The following ITPKC variants were observed in gnomAD, a reference collection of about 807,000 sequenced individuals.
ITPKC encodes the protein inositol-trisphosphate 3-kinase C, also known as IP3 3-kinase C.
Under a neutral mutation model 67.1 loss-of-function variants are expected in ITPKC, and 33 were observed. The ratio of observed to expected loss-of-function variants is 0.49; its 90% CI spans 0.37 to 0.66. The LOEUF (loss-of-function observed/expected upper bound fraction) is 0.66. Ranked by LOEUF, ITPKC falls within the 30% of genes least tolerant of loss-of-function variation. The pLI is 0.00. For missense variants in ITPKC, 820 were observed against 892.1 expected (o/e 0.92, Z 1.03); for synonymous variants, 341 against 359.8 (o/e 0.95, Z 0.59).
chr19:40,731,203 A>G (rs946522456), intron 3 of ITPKC, among the ~76,000 whole-genome samples: 7 of 152,164 alleles, frequency 4.6e-5, no homozygotes, highest in African/African-American at 1.2e-4. Flanking sequence ...ACGGGGCCCC[A>G]CCGTAGGAGG....
chr19:40,722,347 G>A (rs1481435762), intron 1 of ITPKC, among the ~76,000 whole-genome samples: 2 of 152,042 alleles, frequency 1.3e-5, no homozygotes, highest in Non-Finnish European at 2.9e-5. Context: ...GTGGCACACT[G>A]AGTCTTTGTC....
intron 1 of ITPKC, among the ~76,000 whole-genome samples, chr19:40,719,554 A>G (rs2082211691): frequency 1.3e-5 from 2 of 150,814 alleles, no homozygotes; most frequent in South Asian, 2.1e-4. Flanking sequence ...CAGTGGTGCC[A>G]TCTCGGCTCA....
rs756289680 is a variant in ITPKC at position 40,733,146 on chromosome 19, C to G, written c.1470-14C>G. The G allele has an allele frequency of 6.2e-7, 1 of 1,612,196 alleles. No individual in the cohort carries two copies. Among genetic ancestry groups the G allele is most frequent in the South Asian group, 1.1e-5 (1 of 91,008 alleles). On this transcript the variant is annotated splice_polypyrimidine_tract_variant and intron_variant, in intron 3 of 6. Coordinates refer to ENST00000263370, the MANE Select transcript of ITPKC (RefSeq NM_025194.3). The stretch of plus-strand genomic sequence containing the variant: ...TCTACATAATTTCCTTTGTCACATC[C>G]TCTGTGTGCTCAGGACCTATCTGGA...
intron 3 of ITPKC, among the ~76,000 whole-genome samples, chr19:40,732,771 T>C (rs911245542): frequency 6.6e-6 from 1 of 152,180 alleles, no homozygotes; most frequent in Non-Finnish European, 1.5e-5. Flanking sequence ...TTTTTCATTG[T>C]GTTTAAGAAA....
chr19:40,733,506 T>C (rs1359237641), intron 4 of ITPKC, 142 bp downstream of exon 4: 1 of 704,472 alleles, frequency 1.4e-6, no homozygotes, highest in African/African-American at 1.8e-5. Flanking sequence ...GCCTCTTTCT[T>C]ACCTCCATAC....
intron 2 of ITPKC, among the ~76,000 whole-genome samples, chr19:40,727,362 A>T (rs2082250968): frequency 6.6e-6 from 1 of 152,088 alleles, no homozygotes; most frequent in South Asian, 2.1e-4. Flanking sequence ...AAAATAAAAT[A>T]AAATAAATAC....
intron 1 of ITPKC, 123 bp downstream of exon 1, chr19:40,718,413 A>T: frequency 7.9e-7 from 1 of 1,258,270 alleles, no homozygotes; most frequent in South Asian, 1.9e-5. Context: ...ATCTCCGGGA[A>T]CCTCTTCCAT....
intron 3 of ITPKC, among the ~76,000 whole-genome samples, chr19:40,731,026 T>C (rs2082268378): frequency 6.6e-6 from 1 of 152,218 alleles, no homozygotes. Flanking sequence ...TTCTGACTGA[T>C]TGGCTCCAAG....
At chr19:40,725,957 T>C (rs960324372) in intron 2 of ITPKC, among the ~76,000 whole-genome samples, 2 of 151,054 alleles carry the variant, frequency 1.3e-5, no homozygotes, top group Non-Finnish European at 2.9e-5. Context: ...AAAAAAAAGA[T>C]TGGCTGGGCG....
rs1363630097 is a variant in ITPKC at position 40,725,386 on chromosome 19, T to C, written c.1202T>C (p.Phe401Ser). 2 of 1,613,894 alleles carry C rather than the reference T, an allele frequency of 1.2e-6. No homozygotes were observed. Among genetic ancestry groups the C allele is most frequent in the African/African-American group, 2.7e-5 (2 of 74,936 alleles). Residue 401 changes from phenylalanine to serine, a missense_variant, in exon 2 of 7, where the codon TTT becomes TCT. Phe to Ser is a radical substitution (Grantham distance 155). Coordinates refer to ENST00000263370, the MANE Select transcript of ITPKC (RefSeq NM_025194.3). Reference sequence around the variant, plus strand: ...AAGACAGTTCTGAAGTATTCACCCTTTGTGGTCTCCTTCCGAAAACACTAC... The same window carrying C: ...AAGACAGTTCTGAAGTATTCACCCTCTGTGGTCTCCTTCCGAAAACACTAC... Reference protein sequence around the residue: ...KLKTVLKYSPFVVSFRKHYPW... With the variant: ...KLKTVLKYSPSVVSFRKHYPW...
chr19:40,731,113 T>C (rs1350618105), intron 3 of ITPKC, among the ~76,000 whole-genome samples: 2 of 152,204 alleles, frequency 1.3e-5, no homozygotes, highest in Non-Finnish European at 2.9e-5. Context: ...GGATACTTAC[T>C]TACCTTTACT....
Position 40,729,532 on chromosome 19 carries a change from G to A in ITPKC, c.1469+117G>A, listed in dbSNP as rs907601576. 47 of 831,606 alleles carry A rather than the reference G, an allele frequency of 5.7e-5. No homozygotes were observed. In the East Asian group the frequency reaches 1.0e-3, roughly 18 times the overall value. The allele number at this position is 831,606 out of a possible 1,614,324, so 51.5% of individuals were successfully genotyped here. On this transcript the variant is annotated intron_variant, in intron 3 of 6. Coordinates refer to ENST00000263370, the MANE Select transcript of ITPKC (RefSeq NM_025194.3). Reference sequence around the variant, plus strand: ...TGTAATCCCAGCACTTTGGGAGGCCGAGGCTGGTGGATCACCTGAGGTTGG... The same window carrying A: ...TGTAATCCCAGCACTTTGGGAGGCCAAGGCTGGTGGATCACCTGAGGTTGG...
At chr19:40,734,102 GA>G (rs1182912611) in intron 4 of ITPKC, among the ~76,000 whole-genome samples, 2 of 152,182 alleles carry the variant, frequency 1.3e-5, no homozygotes, top group Non-Finnish European at 1.5e-5. Flanking sequence ...TTGTAGATCC[GA>G]AATGTTCCTC....
chr19:40,731,495 G>A (rs953687567), intron 3 of ITPKC, among the ~76,000 whole-genome samples: 1 of 152,024 alleles, frequency 6.6e-6, no homozygotes, highest in African/African-American at 2.4e-5. Flanking sequence ...GGCAAGGTAT[G>A]GGGGAAGGGG....
intron 3 of ITPKC, among the ~76,000 whole-genome samples, chr19:40,731,070 A>T (rs752472504): frequency 1.2e-4 from 18 of 152,200 alleles, no homozygotes; most frequent in Non-Finnish European, 2.1e-4. Context: ...TTGGGTTCAA[A>T]TAATTTGCTG....
At chr19:40,736,745 T>C (rs1418281572) in intron 4 of ITPKC, among the ~76,000 whole-genome samples, 1 of 151,886 alleles carries the variant, frequency 6.6e-6, no homozygotes, top group Non-Finnish European at 1.5e-5. Flanking sequence ...CCTCAAGTGA[T>C]CCTCCCGCCT....
chr19:40,726,890 A>G (rs1448948054), intron 2 of ITPKC, among the ~76,000 whole-genome samples: 1 of 152,068 alleles, frequency 6.6e-6, no homozygotes, highest in Non-Finnish European at 1.5e-5. Context: ...AAAAATAAAG[A>G]AATTAACTGG....
At chr19:40,733,423 G>A (rs2082281010) in intron 4 of ITPKC, 59 bp downstream of exon 4, 1 of 1,491,930 alleles carries the variant, frequency 6.7e-7, no homozygotes, top group African/African-American at 1.4e-5. Context: ...ATCCCAGGCA[G>A]GGCTTCTTGG....
rs2082315008 is a variant in ITPKC, at chr19:40,739,737, G to A, written c.*177G>A. ...AGTCTGAAGGGCCTTGGGAGACCAG[G>A]TAGCACCTGGCCCCATCATGATGCA... On this transcript the variant is annotated 3_prime_UTR_variant, in exon 7 of 7. Coordinates refer to ENST00000263370, the MANE Select transcript of ITPKC (RefSeq NM_025194.3). 3 of 601,612 alleles carry A rather than the reference G, an allele frequency of 5.0e-6. No individual in the cohort carries two copies. Among genetic ancestry groups the A allele is most frequent in the Non-Finnish European group, 5.9e-6 (2 of 339,942 alleles). The allele number at this position is 601,612 out of a possible 1,614,324, so 37.3% of individuals were successfully genotyped here. A position where few individuals can be genotyped will look rare whatever the true frequency, so the allele number is the denominator to read the frequency against.
Sources: allele counts gnomAD v4.1 joint callset (sites outside exome capture counted in the v4.1 genomes callset), GRCh38; gene constraint gnomAD v4.1.1; transcripts MANE v1.5; gene names NCBI Gene and HGNC (gene_info 2026-07-23, HGNC 2026-07-21).